Variants in NLGN1 observed in about 807,000 individuals in gnomAD.
NLGN1 encodes neuroligin-1.
NLGN1 carries 12 observed loss-of-function variants against 65.5 expected under a neutral mutation model. The ratio of observed to expected loss-of-function variants is 0.18; its 90% confidence interval spans 0.12 to 0.30. NLGN1 has a LOEUF of 0.30. Ranked by LOEUF, NLGN1 falls within the 10% of genes least tolerant of loss-of-function variation. The pLI, the probability that NLGN1 is intolerant of heterozygous loss-of-function variation, is 1.00. For synonymous variants in NLGN1, 350 were observed against 359.5 expected (o/e 0.97, Z 0.30); for missense variants, 750 against 1,007.1 (o/e 0.74, Z 3.46).
At chr3:174,266,170 A>G (rs961392946) in intron 4 of NLGN1, among the ~76,000 whole-genome samples, 1 of 151,910 alleles carries the variant, frequency 6.6e-6, no homozygotes, top group African/African-American at 2.4e-5. Context: ...GGTAATGAAC[A>G]TAGTATCTGA....
intron 2 of NLGN1, among the ~76,000 whole-genome samples, chr3:173,543,010 G>A (rs2149237330): frequency 6.6e-6 from 1 of 152,182 alleles, no homozygotes; most frequent in East Asian, 1.9e-4. Flanking sequence ...TGGTGTAGCA[G>A]AATGTATTGA....
chr3:174,120,398 T>C (rs1717516365), intron 4 of NLGN1, among the ~76,000 whole-genome samples: 1 of 151,972 alleles, frequency 6.6e-6, no homozygotes, highest in Non-Finnish European at 1.5e-5. Context: ...TCCCACCTAC[T>C]TGGGAGGCTG....
At chr3:173,658,794 A>G (rs1014291274) in intron 3 of NLGN1, among the ~76,000 whole-genome samples, 2 of 152,012 alleles carry the variant, frequency 1.3e-5, no homozygotes, top group Admixed American at 1.3e-4. Context: ...AGAGGCCCCA[A>G]ATGATCCACT....
intron 4 of NLGN1, among the ~76,000 whole-genome samples, chr3:173,969,764 T>C (rs1488540719): frequency 6.6e-6 from 1 of 152,100 alleles, no homozygotes. Flanking sequence ...ATCTGGAAAC[T>C]TGATTTTTAT....
At chr3:173,609,048 T>C (rs1208298096) in intron 3 of NLGN1, among the ~76,000 whole-genome samples, 1 of 151,990 alleles carries the variant, frequency 6.6e-6, no homozygotes, top group Non-Finnish European at 1.5e-5. Flanking sequence ...TCTGTTTCTT[T>C]AGGTTGCTCT....
chr3:174,089,895 CT>C (rs10713354), intron 4 of NLGN1, among the ~76,000 whole-genome samples: 21,412 of 145,010 alleles, frequency 0.15, 2,285 homozygotes, highest in African/African-American at 0.31. Context: ...CATAAACAGG[CT>C]TTTTTTTTTT....
At chr3:173,748,803 G>C (rs527879606) in intron 3 of NLGN1, among the ~76,000 whole-genome samples, 1 of 152,184 alleles carries the variant, frequency 6.6e-6, no homozygotes, top group Admixed American at 6.5e-5. Context: ...TACATTTGTA[G>C]ATCAAGCCTA....
intron 3 of NLGN1, among the ~76,000 whole-genome samples, chr3:173,615,193 G>A (rs1387071514): frequency 6.6e-6 from 1 of 152,222 alleles, no homozygotes; most frequent in Non-Finnish European, 1.5e-5. Context: ...ATTGCAAGTG[G>A]TGCTTTTATC....
In NLGN1 at chr3:174,232,450, C is replaced by A. The variant is rs1740896149; in HGVS notation, c.647-42865C>A. Among the ~76,000 whole-genome samples, 3 of 152,258 alleles carry A rather than the reference C, an allele frequency of 2.0e-5. No homozygotes were observed. In the East Asian group the frequency reaches 5.8e-4, roughly 29 times the overall value. ...TCAGAGGCCTGACAGGAGCCATAGG[C>A]TGTTGGCCCTCTAAAGGTTTGCTAA... is the stretch of plus-strand genomic sequence containing the variant. On this transcript the variant is annotated intron_variant, in intron 4 of 6. Coordinates refer to ENST00000457714, the Ensembl canonical transcript of NLGN1.
At chr3:173,618,118 A>G (rs1270528882) in intron 3 of NLGN1, among the ~76,000 whole-genome samples, 1 of 152,114 alleles carries the variant, frequency 6.6e-6, no homozygotes, top group Non-Finnish European at 1.5e-5. Flanking sequence ...TGGGGTTCTC[A>G]TTCCTTATGA....
chr3:173,450,593 A>T (rs897933258), intron 2 of NLGN1, among the ~76,000 whole-genome samples: 2 of 152,088 alleles, frequency 1.3e-5, no homozygotes, highest in African/African-American at 4.8e-5. Flanking sequence ...TATTTCCTGA[A>T]TGTGAATGTT....
intron 3 of NLGN1, among the ~76,000 whole-genome samples, chr3:173,705,032 T>A (rs1253615636): frequency 6.6e-6 from 1 of 152,066 alleles, no homozygotes; most frequent in Non-Finnish European, 1.5e-5. Flanking sequence ...CCATTCCAGT[T>A]GATAAGCCAT....
intron 2 of NLGN1, among the ~76,000 whole-genome samples, chr3:173,554,571 T>C (rs778876102): frequency 6.6e-6 from 1 of 152,236 alleles, no homozygotes; most frequent in Non-Finnish European, 1.5e-5. Context: ...GAATTGTGTT[T>C]GACTTCTCTG....
At position 174,280,590 on chromosome 3, in the gene NLGN1, C is replaced by T. The variant is rs1751375843; in HGVS notation, c.1759C>T (p.His587Tyr). 6.2e-7 allele frequency: 1 copy of T among 1,613,016 alleles called. No homozygotes were observed. Among genetic ancestry groups the T allele is most frequent in the Admixed American group, 1.7e-5 (1 of 59,876 alleles). ...TTCCCAGAAAGACCAACTTTATCTC[C>T]ATATTGGATTAAAACCAAGAGTTAA... The change falls in exon 7 of 7, where the codon CAT becomes TAT. Residue 587 changes from histidine to tyrosine, a missense_variant. By Grantham distance (83) the His-to-Tyr change is moderately conservative. Transcript: ENST00000457714. The surrounding 1 kb of genome is among the most constrained non-coding windows in gnomAD (Gnocchi z 4.9).
At chr3:173,987,776 C>T (rs776090662) in intron 4 of NLGN1, among the ~76,000 whole-genome samples, 2 of 152,136 alleles carry the variant, frequency 1.3e-5, no homozygotes, top group Non-Finnish European at 1.5e-5. Flanking sequence ...TACTGTGGTT[C>T]AGTTGGACTT....
intron 4 of NLGN1, among the ~76,000 whole-genome samples, chr3:173,932,909 A>G (rs1232963341): frequency 6.6e-6 from 1 of 152,134 alleles, no homozygotes; most frequent in African/African-American, 2.4e-5. Flanking sequence ...AAGTGTAAGA[A>G]TATCTGCCAC....
intron 4 of NLGN1, among the ~76,000 whole-genome samples, chr3:174,193,462 G>C (rs754710576): frequency 2.0e-5 from 3 of 152,140 alleles, no homozygotes; most frequent in Non-Finnish European, 4.4e-5. Flanking sequence ...AACCAAAAAA[G>C]TAGGTTTTGA....
chr3:174,091,517 T>A (rs1454601328), intron 4 of NLGN1, among the ~76,000 whole-genome samples: 3 of 152,162 alleles, frequency 2.0e-5, no homozygotes, highest in Non-Finnish European at 2.9e-5. Flanking sequence ...CCAAAATAGA[T>A]CCAGAACTAT....
At chr3:173,889,193 T>C (rs1734887273) in intron 4 of NLGN1, among the ~76,000 whole-genome samples, 1 of 152,138 alleles carries the variant, frequency 6.6e-6, no homozygotes, top group Non-Finnish European at 1.5e-5. Context: ...TGAATGATAA[T>C]AATAATTTGC....
Sources: gnomAD v4.1 joint callset for allele counts (sites outside exome capture counted in the v4.1 genomes callset) on GRCh38, gnomAD v4.1.1 for gene constraint, Gnocchi (gnomAD v3.1) non-coding constraint, MANE v1.5 for transcripts, NCBI Gene and HGNC (gene_info 2026-07-23, HGNC 2026-07-21) for gene names.